The following FHIT variants were observed in gnomAD, a reference collection of about 807,000 sequenced individuals.
FHIT encodes fragile histidine triad diadenosine triphosphatase.
A neutral mutation model predicts 17.9 loss-of-function variants in FHIT; 19 were observed. The observed-to-expected ratio is 1.06, with a 90% CI of 0.74 to 1.56. The LOEUF (loss-of-function observed/expected upper bound fraction) is 1.56, where lower values mean the gene tolerates loss of function less well. Ranked by LOEUF, FHIT falls within the 40% of genes most tolerant of loss-of-function variation. The pLI is 0.00. For missense variants in FHIT, 248 were observed against 189.2 expected, an observed-to-expected ratio of 1.31 and a Z score of -1.82; for synonymous variants, 81 against 69.7, an observed-to-expected ratio of 1.16 and a Z score of -0.81.
intron 8 of FHIT, among the ~76,000 whole-genome samples, chr3:59,807,231 G>T (rs893144253): frequency 2.0e-5 from 3 of 152,204 alleles, no homozygotes; most frequent in African/African-American, 7.2e-5. Context: ...GGATCCTAGT[G>T]CAATCTTCCA....
chr3:60,182,818 G>A (rs1701997025), intron 5 of FHIT, among the ~76,000 whole-genome samples: 1 of 151,586 alleles, frequency 6.6e-6, no homozygotes, highest in African/African-American at 2.4e-5. Flanking sequence ...TTGTCCAAAT[G>A]AGTTGTTAGT....
At chr3:60,949,738 A>C (rs577168213) in intron 3 of FHIT, among the ~76,000 whole-genome samples, 1 of 152,256 alleles carries the variant, frequency 6.6e-6, no homozygotes, top group South Asian at 2.1e-4. Context: ...CTGCTTATTT[A>C]TTTACGTCGT....
chr3:59,761,176 G>A (rs1701495901), intron 8 of FHIT, among the ~76,000 whole-genome samples: 1 of 152,328 alleles, frequency 6.6e-6, no homozygotes, highest in East Asian at 1.9e-4. Context: ...TGTGGCAAGA[G>A]CCTGACTCCC....
chr3:60,860,762 ATACATATGTATCATATATCAGG>A (rs1275017519), intron 3 of FHIT, among the ~76,000 whole-genome samples: 2,945 of 13,204 alleles, frequency 0.22, 1,148 homozygotes, highest in African/African-American at 0.45. Context: ...GGTATATATG[ATACATATGTATCATATATCAGG>A]TATATATGAT....
intron 5 of FHIT, among the ~76,000 whole-genome samples, chr3:60,096,549 G>A (rs1447029939): frequency 6.6e-6 from 1 of 152,152 alleles, no homozygotes; most frequent in Admixed American, 6.5e-5. Flanking sequence ...TCGGAGGTGG[G>A]ATTTCACTGG....
chr3:59,749,068 T>C lies in FHIT; in HGVS notation c.*517A>G, dbSNP rs1428260817. Among the ~76,000 whole-genome samples the C allele has an allele frequency of 6.6e-6, 1 of 152,168 alleles. No individual in the cohort carries two copies. Among genetic ancestry groups the C allele is most frequent in the Non-Finnish European group, 1.5e-5 (1 of 68,014 alleles). On this transcript the variant is annotated 3_prime_UTR_variant, in exon 10 of 10. Coordinates refer to ENST00000492590, the MANE Select transcript of FHIT (RefSeq NM_002012.4). Reference sequence around the variant, plus strand: ...AGGCCAAGTCTATCTGACCTTCAGATTAACAATTTTTAAAGTCTAGCTATG... The same window carrying C: ...AGGCCAAGTCTATCTGACCTTCAGACTAACAATTTTTAAAGTCTAGCTATG...
intron 3 of FHIT, among the ~76,000 whole-genome samples, chr3:60,939,675 A>G (rs2107407381): frequency 6.6e-6 from 1 of 152,310 alleles, no homozygotes; most frequent in Non-Finnish European, 1.5e-5. Context: ...CATTATTTTT[A>G]CTACAGAAAT....
intron 5 of FHIT, among the ~76,000 whole-genome samples, chr3:60,217,729 G>T (rs1703762670): frequency 6.6e-6 from 1 of 152,072 alleles, no homozygotes; most frequent in Non-Finnish European, 1.5e-5. Context: ...TTATCCAAAT[G>T]CATCAAATTT....
chr3:60,785,694 C>T (rs535334509), intron 4 of FHIT, among the ~76,000 whole-genome samples: 5 of 152,198 alleles, frequency 3.3e-5, no homozygotes, highest in Admixed American at 3.3e-4. Flanking sequence ...TTGCTGCATC[C>T]TGTGGTGGCA....
At chr3:61,062,451 AT>A (rs777812179) in intron 2 of FHIT, among the ~76,000 whole-genome samples, 18 of 152,170 alleles carry the variant, frequency 1.2e-4, no homozygotes, top group Non-Finnish European at 2.4e-4. Context: ...CCTCCATATA[AT>A]TTATTGGATT....
chr3:61,230,053 G>A (rs2040060346), intron 1 of FHIT, among the ~76,000 whole-genome samples: 1 of 152,108 alleles, frequency 6.6e-6, no homozygotes, highest in Admixed American at 6.5e-5. Flanking sequence ...TCCCCTCGCT[G>A]TACCTTGTTG....
intron 1 of FHIT, among the ~76,000 whole-genome samples, chr3:61,247,301 G>T (rs1916799): frequency 5.9e-5 from 9 of 151,792 alleles, no homozygotes; most frequent in African/African-American, 2.2e-4. Flanking sequence ...CCTCCTTATC[G>T]TAACCTCATG....
intron 5 of FHIT, among the ~76,000 whole-genome samples, chr3:60,243,800 C>A (rs1004771941): frequency 2.0e-5 from 3 of 152,098 alleles, no homozygotes; most frequent in African/African-American, 7.2e-5. Context: ...TAAACTTTAA[C>A]TTTTTTGTTT....
chr3:60,547,411 C>T (rs2107617597), intron 4 of FHIT, among the ~76,000 whole-genome samples: 1 of 152,274 alleles, frequency 6.6e-6, no homozygotes, highest in East Asian at 1.9e-4. Flanking sequence ...GGTAATTGAA[C>T]CCTACTCTCT....
intron 3 of FHIT, among the ~76,000 whole-genome samples, chr3:60,986,814 G>A (rs143437754): frequency 3.0e-4 from 45 of 152,158 alleles, no homozygotes; most frequent in East Asian, 2.7e-3. Context: ...GCTTGGCAAC[G>A]TTCTGAGTTC....
At position 59,957,029 on chromosome 3, in the gene FHIT, TTGTC is replaced by T. The variant is rs550509419; in HGVS notation, c.280-34619_280-34616del. Reference sequence around the variant, plus strand: ...AATTACACTCTACAGAACAGGGACTTTGTCTGTGTTTCCTTCAGTCCTGGAAACC... The same window carrying T: ...AATTACACTCTACAGAACAGGGACTTTGTGTTTCCTTCAGTCCTGGAAACC... On this transcript the variant is annotated intron_variant, in intron 7 of 9. Coordinates refer to ENST00000492590, the MANE Select transcript of FHIT (RefSeq NM_002012.4). 2.6e-3 allele frequency among the ~76,000 whole-genome samples: 393 copies of T among 152,314 alleles called. 1 individual carries two copies. The highest frequency in any genetic ancestry group is 8.9e-3 in the African/African-American group (371 of 41,574).
At chr3:60,507,974 C>T (rs1040635275) in intron 5 of FHIT, among the ~76,000 whole-genome samples, 3 of 152,206 alleles carry the variant, frequency 2.0e-5, no homozygotes, top group East Asian at 1.9e-4. Context: ...AATAGTGCTT[C>T]GGTGAACATA....
At chr3:60,328,372 C>CAA (rs1400931644) in intron 5 of FHIT, among the ~76,000 whole-genome samples, 1 of 152,194 alleles carries the variant, frequency 6.6e-6, no homozygotes, top group Non-Finnish European at 1.5e-5. Context: ...TTAATGGACT[C>CAA]ACACTTCCAC....
intron 7 of FHIT, among the ~76,000 whole-genome samples, chr3:60,000,660 A>C (rs979225214): frequency 2.1e-5 from 3 of 144,338 alleles, no homozygotes; most frequent in Non-Finnish European, 3.0e-5. Flanking sequence ...AAAATCCTTC[A>C]AGTCTAGAAA....
Sources: gnomAD v4.1 joint callset for allele counts (sites outside exome capture counted in the v4.1 genomes callset) on GRCh38, gnomAD v4.1.1 for gene constraint, MANE v1.5 for transcripts, NCBI Gene and HGNC (gene_info 2026-07-23, HGNC 2026-07-21) for gene names.